Variants in TBC1D22A observed in about 807,000 individuals in gnomAD.
TBC1D22A encodes TBC1 domain family member 22A, also known as putative GTPase activator.
In TBC1D22A, 38 loss-of-function variants were observed where a neutral mutation model predicts 60.2. That is an observed-to-expected ratio of 0.63 (90% CI 0.49 to 0.83). TBC1D22A has a LOEUF of 0.83. Among genes scored for constraint, TBC1D22A ranks in the 40% least tolerant of loss-of-function variants. The probability of loss-of-function intolerance (pLI) is 0.00; values close to 1 mark genes in which losing one functional copy is unlikely to be tolerated. For synonymous variants in TBC1D22A, 302 were observed against 281.7 expected, an observed-to-expected ratio of 1.07 and a Z score of -0.72; for missense variants, 628 against 701.0, an observed-to-expected ratio of 0.90 and a Z score of 1.18.
Position 46,777,574 on chromosome 22 carries a change from C to T in TBC1D22A, c.62+14726C>T, listed in dbSNP as rs1003400657. ...TAAGAGAAGGAAGGAGGACTGAGGACTCGGCTTTGGGGAGCAGAGTTGGGA... is the reference window on the plus strand; with the variant it reads ...TAAGAGAAGGAAGGAGGACTGAGGATTCGGCTTTGGGGAGCAGAGTTGGGA... On this transcript the variant is annotated intron_variant, in intron 1 of 12. Coordinates refer to ENST00000337137, the MANE Select transcript of TBC1D22A (RefSeq NM_014346.5). The surrounding 1 kb of genome is among the most constrained non-coding windows in gnomAD (Gnocchi z 4.5). Among the ~76,000 whole-genome samples, 1 of 152,090 alleles carries T rather than the reference C, an allele frequency of 6.6e-6. No individual in the cohort carries two copies. The highest frequency in any genetic ancestry group is 2.4e-5 in the African/African-American group (1 of 41,394).
At chr22:46,772,116 T>C (rs939649506) in intron 1 of TBC1D22A, among the ~76,000 whole-genome samples, 15 of 94,142 alleles carry the variant, frequency 1.6e-4, no homozygotes, top group African/African-American at 6.2e-4. Context: ...TATATATGTA[T>C]ACACACATAT....
chr22:46,906,429 G>A lies in TBC1D22A; in HGVS notation c.901-5645G>A, dbSNP rs181540487. Among the ~76,000 whole-genome samples, 313 of 152,258 alleles carry A rather than the reference G, an allele frequency of 2.1e-3. 1 individual carries two copies. Among genetic ancestry groups the A allele is most frequent in the South Asian group, 7.0e-3 (34 of 4,832 alleles). ...AGGATAGGTTAGCTGCCTGGGCGCC[G>A]CTGTCTACAGTGGGAATGGTGGGCC... On this transcript the variant is annotated intron_variant, in intron 7 of 12. Transcript: ENST00000337137.
intron 8 of TBC1D22A, among the ~76,000 whole-genome samples, chr22:46,966,092 C>T (rs1400189090): frequency 6.6e-6 from 1 of 152,196 alleles, no homozygotes; most frequent in Admixed American, 6.5e-5. Flanking sequence ...TCTCTGGGGC[C>T]TCCGCATCAC....
chr22:47,099,684 G>T (rs570715881), intron 11 of TBC1D22A, among the ~76,000 whole-genome samples: 136 of 151,980 alleles, frequency 8.9e-4, no homozygotes, highest in African/African-American at 3.2e-3. Context: ...ACCTCAGGTG[G>T]TCCACCTGCC....
rs141271169 is a variant in TBC1D22A at position 46,865,444 on chromosome 22, A to G, written c.638-13209A>G. ...GGAGTAGCGTAGGTTGAGCATCCAT[A>G]ATCCAAAAATCTAAAATCTGAAATG... On this transcript the variant is annotated intron_variant, in intron 4 of 12. Transcript: ENST00000337137. Among the ~76,000 whole-genome samples the G allele has an allele frequency of 1.4e-3, 219 of 152,364 alleles. 2 individuals are homozygous for G. The highest frequency in any genetic ancestry group is 5.1e-3 in the African/African-American group (214 of 41,584).
At chr22:46,870,091 C>T (rs2067234062) in intron 4 of TBC1D22A, among the ~76,000 whole-genome samples, 1 of 152,220 alleles carries the variant, frequency 6.6e-6, no homozygotes, top group South Asian at 2.1e-4. Context: ...AATGTTTCCC[C>T]ATGTATTGTC....
At chr22:46,899,769 A>G (rs1569192469) in intron 7 of TBC1D22A, among the ~76,000 whole-genome samples, 1 of 152,138 alleles carries the variant, frequency 6.6e-6, no homozygotes, top group Non-Finnish European at 1.5e-5. Flanking sequence ...GATGTGTCCC[A>G]GCAGCTGCTC....
At chr22:46,958,891 C>CT (rs1161335836) in intron 8 of TBC1D22A, among the ~76,000 whole-genome samples, 1 of 152,230 alleles carries the variant, frequency 6.6e-6, no homozygotes, top group Non-Finnish European at 1.5e-5. Flanking sequence ...TTCTCATTGT[C>CT]TGAGTACCTT....
intron 8 of TBC1D22A, among the ~76,000 whole-genome samples, chr22:46,941,348 TAGAATATATATAC>T (rs1182148598): frequency 2.2e-4 from 21 of 93,498 alleles, no homozygotes; most frequent in South Asian, 6.0e-4. Context: ...TATATATATA[TAGAATATATATAC>T]AGAATATATA....
Position 47,091,096 on chromosome 22 carries a change from C to T in TBC1D22A, c.1330-20412C>T, listed in dbSNP as rs368379381. ...GGCTGCTTGTTGATAGAGACAGGCA[C>T]GAGAAGTCATCTTTGGTGGGGAGTG... On this transcript the variant is annotated intron_variant, in intron 11 of 12. Transcript: ENST00000337137. Among the ~76,000 whole-genome samples the T allele has an allele frequency of 6.5e-3, 766 of 117,264 alleles. 18 individuals are homozygous for T. The highest frequency in any genetic ancestry group is 0.023 in the African/African-American group (676 of 28,934). 76.9% of individuals were successfully genotyped at this position (117,264 alleles called of 152,430 possible).
At chr22:47,114,947 C>A (rs2065977845) in intron 12 of TBC1D22A, among the ~76,000 whole-genome samples, 2 of 151,946 alleles carry the variant, frequency 1.3e-5, no homozygotes, top group South Asian at 4.1e-4. Flanking sequence ...GGCCTTTGAG[C>A]CTCATGCGGG....
chr22:46,859,097 C>T (rs548541726), intron 4 of TBC1D22A, among the ~76,000 whole-genome samples: 5 of 141,944 alleles, frequency 3.5e-5, no homozygotes, highest in African/African-American at 1.1e-4. Context: ...TGCTGTGCCC[C>T]TTCCCGGGAC....
chr22:47,158,498 A>T (rs4823602), intron 12 of TBC1D22A, among the ~76,000 whole-genome samples: 1 of 151,942 alleles, frequency 6.6e-6, no homozygotes, highest in Admixed American at 6.5e-5. Context: ...AAGCCCTGGG[A>T]TACCCAGCCC....
At chr22:46,797,705 G>A in intron 4 of TBC1D22A, 85 bp downstream of exon 4, 2 of 1,392,274 alleles carry the variant, frequency 1.4e-6, no homozygotes, top group Non-Finnish European at 1.9e-6. Flanking sequence ...TTCTATGTAT[G>A]CTTATGTAAT....
chr22:47,159,304 AC>A (rs1569477882), intron 12 of TBC1D22A, among the ~76,000 whole-genome samples: 2 of 122,526 alleles, frequency 1.6e-5, no homozygotes, highest in African/African-American at 7.3e-5. Context: ...CCCCACACAC[AC>A]CATGTATACA....
chr22:47,129,755 T>C (rs2064481490), intron 12 of TBC1D22A, among the ~76,000 whole-genome samples: 1 of 152,222 alleles, frequency 6.6e-6, no homozygotes, highest in Non-Finnish European at 1.5e-5. Flanking sequence ...ATGTGTTATA[T>C]ATTAGAGGAA....
intron 11 of TBC1D22A, among the ~76,000 whole-genome samples, chr22:47,091,086 G>A (rs1048781793): frequency 1.4e-5 from 2 of 140,410 alleles, no homozygotes; most frequent in African/African-American, 5.4e-5. Flanking sequence ...CTTGTTGATA[G>A]AGACAGGCAC....
intron 8 of TBC1D22A, among the ~76,000 whole-genome samples, chr22:46,930,724 A>G (rs1015198549): frequency 6.6e-6 from 1 of 151,796 alleles, no homozygotes; most frequent in East Asian, 1.9e-4. Context: ...CGGCCTCCCA[A>G]AGTGCTGGGA....
At chr22:46,766,268 A>G (rs2083284561) in intron 1 of TBC1D22A, among the ~76,000 whole-genome samples, 1 of 152,058 alleles carries the variant, frequency 6.6e-6, no homozygotes. Context: ...ACGTGCTGGG[A>G]TTACAGGCTT....
Sources: gnomAD v4.1 joint callset for allele counts (sites outside exome capture counted in the v4.1 genomes callset) on GRCh38, gnomAD v4.1.1 for gene constraint, Gnocchi (gnomAD v3.1) non-coding constraint, MANE v1.5 for transcripts, NCBI Gene and HGNC (gene_info 2026-07-23, HGNC 2026-07-21) for gene names.